The following CDK19 variants were observed in gnomAD, a reference collection of about 807,000 sequenced individuals.
CDK19 encodes the protein cyclin-dependent kinase 19.
In CDK19, 20 loss-of-function variants were observed where a neutral mutation model predicts 68.3. The observed-to-expected ratio is 0.29, with a 90% CI of 0.21 to 0.43. The LOEUF (loss-of-function observed/expected upper bound fraction) is 0.43, where lower values mean the gene tolerates loss of function less well. Ranked by LOEUF, CDK19 falls within the 20% of genes least tolerant of loss-of-function variation. The pLI, the probability that CDK19 is intolerant of heterozygous loss-of-function variation, is 1.00. For synonymous variants in CDK19, 221 were observed against 222.8 expected, an observed-to-expected ratio of 0.99 and a Z score of 0.07; for missense variants, 339 against 623.5, an observed-to-expected ratio of 0.54 and a Z score of 4.86.
rs577392736 is a variant in CDK19, at chr6:110,645,997, T to C, written c.457-7291A>G. 31 of 1,118,988 alleles carry C rather than the reference T, an allele frequency of 2.8e-5. No homozygotes were observed. The South Asian group carries it at 3.8e-4, about 14-fold the overall frequency. 69.3% of individuals were successfully genotyped at this position (1,118,988 alleles called of 1,614,324 possible). ...CACATGCAGCGCGTCTTCAAGTATC[T>C]GGGCAAGCAGGGTGTGCGGTCGCGG... On this transcript the variant is annotated intron_variant, in intron 4 of 12. Transcript: ENST00000368911.
intron 3 of CDK19, 69 bp downstream of exon 3, chr6:110,670,362 T>C (rs750738940): frequency 2.5e-5 from 19 of 768,154 alleles, no homozygotes; most frequent in Non-Finnish European, 3.7e-5. Flanking sequence ...ATTAACAATA[T>C]GTATTTTATA....
intron 2 of CDK19, among the ~76,000 whole-genome samples, chr6:110,745,695 G>T (rs994643315): frequency 9.9e-5 from 15 of 152,046 alleles, no homozygotes; most frequent in Non-Finnish European, 1.9e-4. Flanking sequence ...GGCTACATAT[G>T]GTGGCTCACA....
At chr6:110,793,137 T>C (rs1411481539) in intron 1 of CDK19, among the ~76,000 whole-genome samples, 2 of 152,278 alleles carry the variant, frequency 1.3e-5, no homozygotes, top group East Asian at 1.9e-4. Flanking sequence ...CAAAAATCCT[T>C]CCCCGAGAAC....
At chr6:110,666,321 G>C (rs1562175608) in intron 4 of CDK19, among the ~76,000 whole-genome samples, 2 of 147,848 alleles carry the variant, frequency 1.4e-5, no homozygotes, top group African/African-American at 2.5e-5. Context: ...AGTTAATTGG[G>C]AGACTGAGGC....
chr6:110,618,992 A>G (rs550897125), intron 12 of CDK19, among the ~76,000 whole-genome samples: 11 of 152,154 alleles, frequency 7.2e-5, no homozygotes, highest in African/African-American at 2.4e-4. Flanking sequence ...TTGTGAGTTG[A>G]TTTTTCAGCG....
chr6:110,773,006 A>G (rs2115000664), intron 1 of CDK19, among the ~76,000 whole-genome samples: 1 of 151,198 alleles, frequency 6.6e-6, no homozygotes, highest in East Asian at 1.9e-4. Context: ...GCTTGAGCCC[A>G]GGGGCTCAAG....
intron 2 of CDK19, among the ~76,000 whole-genome samples, chr6:110,678,906 G>T (rs1392656507): frequency 6.6e-6 from 1 of 152,144 alleles, no homozygotes; most frequent in African/African-American, 2.4e-5. Context: ...GAAGAAGCTG[G>T]TTTTGCCTCA....
At chr6:110,784,880 TATG>T (rs1439085734) in intron 1 of CDK19, among the ~76,000 whole-genome samples, 1 of 151,282 alleles carries the variant, frequency 6.6e-6, no homozygotes, top group Admixed American at 6.6e-5. Context: ...ACATATATAG[TATG>T]ATTTCATTTT....
rs117881411 is a variant in CDK19, at chr6:110,621,869, G to A, written c.1110+219C>T. 6.8e-3 allele frequency among the ~76,000 whole-genome samples: 1,043 copies of A among 152,268 alleles called. 3 individuals are homozygous for A. Among genetic ancestry groups the A allele is most frequent in the Middle Eastern group, 0.024 (7 of 294 alleles). ...TGGGAATCCGGGAGTAGAACTGGCTGTAACACACACCGGAAGCTCAGGTAT... is the reference window on the plus strand; with the variant it reads ...TGGGAATCCGGGAGTAGAACTGGCTATAACACACACCGGAAGCTCAGGTAT... On this transcript the variant is annotated intron_variant, in intron 11 of 12. Transcript: ENST00000368911. This position sits in a 1 kb window ranked among gnomAD's most constrained non-coding sequence, Gnocchi z 5.4.
At chr6:110,740,279 C>T (rs1157865818) in intron 2 of CDK19, among the ~76,000 whole-genome samples, 1 of 152,106 alleles carries the variant, frequency 6.6e-6, no homozygotes, top group Non-Finnish European at 1.5e-5. Flanking sequence ...TTCAACCTAC[C>T]AACCTTAAGA....
chr6:110,794,435 C>A (rs190599641), intron 1 of CDK19, among the ~76,000 whole-genome samples: 1 of 143,162 alleles, frequency 7.0e-6, no homozygotes, highest in East Asian at 2.1e-4. Flanking sequence ...ACGCGTCTCA[C>A]TCTGTCACCA....
At chr6:110,705,121 G>T (rs963117417) in intron 2 of CDK19, among the ~76,000 whole-genome samples, 2 of 150,504 alleles carry the variant, frequency 1.3e-5, no homozygotes, top group Admixed American at 6.7e-5. Flanking sequence ...GCTCACCGCA[G>T]CCTCTGCCTA....
chr6:110,759,150 C>T (rs2114940621), intron 1 of CDK19, among the ~76,000 whole-genome samples: 1 of 151,568 alleles, frequency 6.6e-6, no homozygotes, highest in South Asian at 2.1e-4. Flanking sequence ...CCTATAATCC[C>T]AGCACTTCAG....
chr6:110,701,828 T>C (rs1350931840), intron 2 of CDK19, among the ~76,000 whole-genome samples: 1 of 151,762 alleles, frequency 6.6e-6, no homozygotes, highest in African/African-American at 2.4e-5. Context: ...ATATAGCCAT[T>C]AAAAAAGAAT....
intron 4 of CDK19, chr6:110,646,611 G>A: frequency 1.7e-6 from 1 of 603,528 alleles, no homozygotes; most frequent in East Asian, 3.2e-5. Context: ...GGGCGGGGAG[G>A]GGGGATTCGG....
At position 110,747,125 on chromosome 6, in the gene CDK19, T is replaced by C. The variant is rs939286605; in HGVS notation, c.129-924A>G. Among the ~76,000 whole-genome samples, 6 of 152,200 alleles carry C rather than the reference T, an allele frequency of 3.9e-5. No homozygotes were observed. In the East Asian group the frequency reaches 5.8e-4, roughly 15 times the overall value. ...TTAGAGCCTCAGCAAAGTATCACCA[T>C]GTCATGATGTTTTTGTCAAATATAG... On this transcript the variant is annotated intron_variant, in intron 1 of 12. Coordinates refer to ENST00000368911, the MANE Select transcript of CDK19 (RefSeq NM_015076.5).
At chr6:110,745,187 A>G (rs1777986933) in intron 2 of CDK19, among the ~76,000 whole-genome samples, 1 of 152,144 alleles carries the variant, frequency 6.6e-6, no homozygotes, top group Non-Finnish European at 1.5e-5. Context: ...CTGTTTTCTG[A>G]TCTGTAAAAT....
intron 1 of CDK19, among the ~76,000 whole-genome samples, chr6:110,787,111 C>T (rs1232323909): frequency 6.6e-6 from 1 of 152,146 alleles, no homozygotes. Flanking sequence ...GTGGCTCACA[C>T]CTGTAATCCC....
chr6:110,778,903 G>C (rs1249641644), intron 1 of CDK19, among the ~76,000 whole-genome samples: 1 of 152,092 alleles, frequency 6.6e-6, no homozygotes, highest in African/African-American at 2.4e-5. Context: ...TGGACAATAA[G>C]GGTAATGGAA....
Sources: allele counts gnomAD v4.1 joint callset (sites outside exome capture counted in the v4.1 genomes callset), GRCh38; gene constraint gnomAD v4.1.1; non-coding constraint Gnocchi (gnomAD v3.1); transcripts MANE v1.5; gene names NCBI Gene and HGNC (gene_info 2026-07-23, HGNC 2026-07-21).